CSMD1: variants seen among roughly 807,000 people sequenced by gnomAD.
CSMD1 encodes the protein CUB and Sushi multiple domains 1.
CSMD1 carries 213 observed loss-of-function variants against 417.5 expected under a neutral mutation model. That is an observed-to-expected ratio of 0.51 (90% CI 0.46 to 0.57). The LOEUF (loss-of-function observed/expected upper bound fraction) is 0.57, where lower values mean the gene tolerates loss of function less well. CSMD1 is among the 20% of genes least tolerant of loss of function. CSMD1 has a pLI of 0.00. For missense variants in CSMD1, 6,923 were observed against 4,529.7 expected (o/e 1.53, Z -15.17); for synonymous variants, 2,862 against 1,736.8 (o/e 1.65, Z -16.11).
intron 3 of CSMD1, among the ~76,000 whole-genome samples, chr8:4,078,939 A>ATATG (rs1257838756): frequency 2.5e-4 from 5 of 19,796 alleles, no homozygotes; most frequent in Non-Finnish European, 6.4e-4. Context: ...ATATATATAT[A>ATATG]TATGTATGTT....
intron 2 of CSMD1, among the ~76,000 whole-genome samples, chr8:4,448,788 T>A (rs1330623871): frequency 2.0e-5 from 3 of 152,214 alleles, no homozygotes; most frequent in South Asian, 4.1e-4. Context: ...AATGATGTCA[T>A]CTGCAGAAGG....
chr8:4,202,714 G>C (rs1025134283), intron 3 of CSMD1, among the ~76,000 whole-genome samples: 1 of 152,068 alleles, frequency 6.6e-6, no homozygotes, highest in Non-Finnish European at 1.5e-5. Context: ...AATCAAACAA[G>C]TACTCAAATA....
intron 2 of CSMD1, among the ~76,000 whole-genome samples, chr8:4,534,787 G>C (rs1487021190): frequency 6.6e-6 from 1 of 152,140 alleles, no homozygotes; most frequent in Non-Finnish European, 1.5e-5. Context: ...TTTTGAGGTG[G>C]AGTCTTGCTC....
At chr8:4,942,538 T>C (rs1437067586) in intron 1 of CSMD1, among the ~76,000 whole-genome samples, 1 of 152,242 alleles carries the variant, frequency 6.6e-6, no homozygotes, top group Non-Finnish European at 1.5e-5. Flanking sequence ...TATTAAATAA[T>C]GTACAGATTA....
intron 2 of CSMD1, among the ~76,000 whole-genome samples, chr8:4,545,068 A>G (rs555476062): frequency 6.4e-4 from 97 of 151,032 alleles, no homozygotes; most frequent in African/African-American, 1.4e-3. Context: ...GTGCACACAT[A>G]TGTGTGTATG....
At chr8:4,799,121 G>A (rs773037733) in intron 1 of CSMD1, among the ~76,000 whole-genome samples, 16 of 152,114 alleles carry the variant, frequency 1.1e-4, no homozygotes, top group Non-Finnish European at 2.4e-4. Flanking sequence ...TCACGCCCCT[G>A]GGATCTTGAT....
At chr8:3,460,540 T>A (rs557151253) in intron 12 of CSMD1, among the ~76,000 whole-genome samples, 1 of 151,784 alleles carries the variant, frequency 6.6e-6, no homozygotes. Flanking sequence ...CGGGGAGAAA[T>A]GAAGTTTCGA....
intron 50 of CSMD1, among the ~76,000 whole-genome samples, chr8:3,049,951 A>T (rs568878820): frequency 9.2e-5 from 14 of 152,268 alleles, no homozygotes; most frequent in Middle Eastern, 3.4e-3. Flanking sequence ...CGTCTGTCAA[A>T]CAAAGAAACG....
intron 1 of CSMD1, among the ~76,000 whole-genome samples, chr8:4,755,272 G>A (rs1472496226): frequency 1.3e-5 from 2 of 152,144 alleles, no homozygotes; most frequent in African/African-American, 2.4e-5. Context: ...TTATGACTTT[G>A]CCTTCAACTT....
intron 2 of CSMD1, among the ~76,000 whole-genome samples, chr8:4,547,196 C>T (rs898152404): frequency 3.3e-5 from 5 of 152,154 alleles, no homozygotes; most frequent in Non-Finnish European, 5.9e-5. Context: ...TTAAACTAGG[C>T]CCCCGTTATC....
intron 3 of CSMD1, among the ~76,000 whole-genome samples, chr8:4,314,417 C>A (rs1182509119): frequency 6.6e-6 from 1 of 152,178 alleles, no homozygotes; most frequent in Admixed American, 6.5e-5. Flanking sequence ...AATAAGTGTT[C>A]TATTTCAGGA....
intron 12 of CSMD1, among the ~76,000 whole-genome samples, chr8:3,460,327 C>A (rs1274748164): frequency 6.6e-6 from 1 of 152,026 alleles, no homozygotes; most frequent in Non-Finnish European, 1.5e-5. Flanking sequence ...TCAGGAAGTT[C>A]CATGGGACAA....
At chr8:4,179,891 C>T (rs1415027868) in intron 3 of CSMD1, among the ~76,000 whole-genome samples, 1 of 152,096 alleles carries the variant, frequency 6.6e-6, no homozygotes, top group African/African-American at 2.4e-5. Context: ...CCATCTCACA[C>T]CAGTTAGAAT....
chr8:3,580,454 C>T (rs1240804485), intron 9 of CSMD1, among the ~76,000 whole-genome samples: 9 of 152,126 alleles, frequency 5.9e-5, no homozygotes, highest in Admixed American at 5.9e-4. Context: ...AGGAGAGAAA[C>T]ACCCCTGGCA....
intron 3 of CSMD1, among the ~76,000 whole-genome samples, chr8:4,138,364 T>A (rs923787569): frequency 5.3e-5 from 8 of 152,222 alleles, no homozygotes; most frequent in Non-Finnish European, 1.0e-4. Context: ...AAGGAGTCAG[T>A]GTTCTGATAC....
intron 2 of CSMD1, among the ~76,000 whole-genome samples, chr8:4,432,661 G>T (rs553325901): frequency 6.6e-6 from 1 of 152,250 alleles, no homozygotes; most frequent in South Asian, 2.1e-4. Flanking sequence ...CAGGTGGAGA[G>T]CAGGAGAGAC....
intron 2 of CSMD1, among the ~76,000 whole-genome samples, chr8:4,454,351 T>A (rs563597328): frequency 6.6e-5 from 10 of 152,264 alleles, no homozygotes; most frequent in African/African-American, 2.4e-4. Context: ...TCATCTTACT[T>A]TTCTTCTCCC....
At chr8:4,138,273 A>G (rs1803560245) in intron 3 of CSMD1, among the ~76,000 whole-genome samples, 1 of 150,422 alleles carries the variant, frequency 6.6e-6, no homozygotes, top group African/African-American at 2.5e-5. Context: ...TATGCCATAA[A>G]CTAAATGGCA....
At chr8:4,257,749 G>C (rs1216262381) in intron 3 of CSMD1, among the ~76,000 whole-genome samples, 3 of 152,148 alleles carry the variant, frequency 2.0e-5, no homozygotes, top group Admixed American at 6.5e-5. Flanking sequence ...TTTCCCGTTT[G>C]TTAGGCCAAG....
Sources: gnomAD v4.1 joint callset for allele counts (sites outside exome capture counted in the v4.1 genomes callset) on GRCh38, gnomAD v4.1.1 for gene constraint, MANE v1.5 for transcripts, NCBI Gene and HGNC (gene_info 2026-07-23, HGNC 2026-07-21) for gene names.